Variants in NOS1AP observed in about 807,000 individuals in gnomAD.
NOS1AP encodes the protein nitric oxide synthase 1 adaptor protein.
NOS1AP carries 21 observed loss-of-function variants against 56.2 expected under a neutral mutation model. The observed-to-expected ratio is 0.37, with a 90% confidence interval of 0.26 to 0.54. The LOEUF is 0.54. Among genes scored for constraint, NOS1AP ranks in the 20% least tolerant of loss-of-function variants. The pLI is 0.84. For synonymous variants in NOS1AP, 270 were observed against 274.6 expected (o/e 0.98, Z 0.17); for missense variants, 522 against 657.8 (o/e 0.79, Z 2.26).
intron 6 of NOS1AP, among the ~76,000 whole-genome samples, chr1:162,351,536 T>C (rs911308075): frequency 6.6e-6 from 1 of 152,206 alleles, no homozygotes; most frequent in African/African-American, 2.4e-5. Context: ...CCTTCTCCTG[T>C]CACCTGCCTC....
chr1:162,318,927 A>C (rs1366816641), intron 4 of NOS1AP, among the ~76,000 whole-genome samples: 1 of 152,036 alleles, frequency 6.6e-6, no homozygotes, highest in East Asian at 1.9e-4. Flanking sequence ...GCTCAGAATC[A>C]TATCCTTCCC....
chr1:162,167,411 C>A (rs1465144115), intron 2 of NOS1AP, among the ~76,000 whole-genome samples: 1 of 152,244 alleles, frequency 6.6e-6, no homozygotes, highest in Non-Finnish European at 1.5e-5. Flanking sequence ...CTCTCCTCAG[C>A]TGCCTGAGCC....
At chr1:162,275,881 G>A (rs533768152) in intron 2 of NOS1AP, among the ~76,000 whole-genome samples, 31 of 152,290 alleles carry the variant, frequency 2.0e-4, no homozygotes, top group Admixed American at 5.2e-4. Flanking sequence ...TTAATAGAGC[G>A]GAGACAGAAA....
chr1:162,272,047 C>T (rs1233089662), intron 2 of NOS1AP, among the ~76,000 whole-genome samples: 1 of 152,040 alleles, frequency 6.6e-6, no homozygotes, highest in East Asian at 1.9e-4. Flanking sequence ...GACACAGGGT[C>T]TCACTATATT....
At chr1:162,168,273 G>A (rs1220280748) in intron 2 of NOS1AP, among the ~76,000 whole-genome samples, 1 of 152,198 alleles carries the variant, frequency 6.6e-6, no homozygotes, top group Non-Finnish European at 1.5e-5. Context: ...GTTGGAAATG[G>A]AGTGTTACCT....
chr1:162,167,922 A>G (rs537142480), intron 2 of NOS1AP, among the ~76,000 whole-genome samples: 3 of 151,980 alleles, frequency 2.0e-5, no homozygotes, highest in Non-Finnish European at 4.4e-5. Flanking sequence ...GAAAAAAGCA[A>G]CAAGGAACTG....
intron 4 of NOS1AP, among the ~76,000 whole-genome samples, chr1:162,305,276 G>A (rs961210181): frequency 6.6e-5 from 10 of 151,908 alleles, no homozygotes; most frequent in Non-Finnish European, 1.2e-4. Context: ...CTCTGTGCCC[G>A]TTAAGTAGTA....
chr1:162,314,384 G>T (rs1656161135), intron 4 of NOS1AP, among the ~76,000 whole-genome samples: 1 of 152,224 alleles, frequency 6.6e-6, no homozygotes. Flanking sequence ...AATACTGTTT[G>T]CCAGGGAGGG....
At chr1:162,309,520 TA>T (rs1655957662) in intron 4 of NOS1AP, among the ~76,000 whole-genome samples, 2 of 152,304 alleles carry the variant, frequency 1.3e-5, no homozygotes, top group Non-Finnish European at 2.9e-5. Flanking sequence ...ACCTTTTTAT[TA>T]TGGAAGTAAG....
At chr1:162,118,306 C>A (rs1399525402) in intron 1 of NOS1AP, among the ~76,000 whole-genome samples, 1 of 152,170 alleles carries the variant, frequency 6.6e-6, no homozygotes, top group Non-Finnish European at 1.5e-5. Context: ...TATGCACGTT[C>A]ATGTGTATTC....
intron 2 of NOS1AP, among the ~76,000 whole-genome samples, chr1:162,255,888 T>C (rs1654012684): frequency 6.6e-6 from 1 of 152,222 alleles, no homozygotes; most frequent in Non-Finnish European, 1.5e-5. Context: ...CTTACGCCTG[T>C]AATCCCAGCA....
intron 1 of NOS1AP, among the ~76,000 whole-genome samples, chr1:162,131,837 A>G (rs1648763656): frequency 6.6e-6 from 1 of 152,128 alleles, no homozygotes; most frequent in Non-Finnish European, 1.5e-5. Context: ...CTCAGTCAGT[A>G]TGTCTGGCAT....
At chr1:162,309,622 A>G (rs1655960352) in intron 4 of NOS1AP, among the ~76,000 whole-genome samples, 1 of 152,196 alleles carries the variant, frequency 6.6e-6, no homozygotes, top group Non-Finnish European at 1.5e-5. Flanking sequence ...TTCAGAGTAC[A>G]GACAGAAGAA....
In NOS1AP at chr1:162,355,191, C is replaced by T; in HGVS notation, c.600C>T (p.Arg200=). The change falls in exon 7 of 10, where the codon CGC becomes CGT. Residue 200 remains arginine, a synonymous_variant. Coordinates refer to ENST00000361897, the MANE Select transcript of NOS1AP (RefSeq NM_014697.3). The part of the protein sequence containing the change: ...RNSNSSGDPG[R]QLTGAERAST... ...CCTCCCCTGTTGTTCCTGCAGGCCG[C>T]CAGCTCACTGGAGCCGAGAGGGCCT... 3 of 1,614,138 alleles carry T rather than the reference C, an allele frequency of 1.9e-6. No individual in the cohort carries two copies. Among genetic ancestry groups the T allele is most frequent in the Middle Eastern group, 3.3e-4 (2 of 6,050 alleles).
intron 1 of NOS1AP, among the ~76,000 whole-genome samples, chr1:162,079,733 A>G (rs976372707): frequency 1.1e-4 from 16 of 152,328 alleles, no homozygotes; most frequent in African/African-American, 3.8e-4. Flanking sequence ...ACAAGTTGCA[A>G]TTTAGTTTCA....
chr1:162,281,614 G>A (rs150486934), intron 2 of NOS1AP, among the ~76,000 whole-genome samples: 1 of 152,200 alleles, frequency 6.6e-6, no homozygotes, highest in Non-Finnish European at 1.5e-5. Flanking sequence ...GGCAGATGGT[G>A]TGGGGAGGGC....
At chr1:162,219,195 A>G (rs1652683392) in intron 2 of NOS1AP, among the ~76,000 whole-genome samples, 1 of 152,182 alleles carries the variant, frequency 6.6e-6, no homozygotes, top group Non-Finnish European at 1.5e-5. Context: ...AAGTACACCC[A>G]CTTCATTGGG....
intron 3 of NOS1AP, among the ~76,000 whole-genome samples, chr1:162,299,351 G>A (rs1427836030): frequency 6.6e-6 from 1 of 152,140 alleles, no homozygotes; most frequent in Non-Finnish European, 1.5e-5. Flanking sequence ...ACCAGGTTTT[G>A]GGGGGATCAC....
chr1:162,361,543 T>C (rs1295443739), intron 8 of NOS1AP, among the ~76,000 whole-genome samples: 1 of 152,212 alleles, frequency 6.6e-6, no homozygotes, highest in African/African-American at 2.4e-5. Flanking sequence ...GGTTTGAGCC[T>C]TATGCCCAGT....
Sources: allele counts gnomAD v4.1 joint callset (sites outside exome capture counted in the v4.1 genomes callset), GRCh38; gene constraint gnomAD v4.1.1; transcripts MANE v1.5; gene names NCBI Gene and HGNC (gene_info 2026-07-23, HGNC 2026-07-21).